Variants in SPDYE10 observed in about 807,000 individuals in gnomAD.
SPDYE10 encodes speedy protein E10.
At chr7:73,120,891 G>A in the SPDYE10 span, among the ~76,000 whole-genome samples, 1 of 149,680 alleles carries the variant, frequency 6.7e-6, no homozygotes. Flanking sequence ...GAGTGCAGTG[G>A]CCCACTGCAA....
chr7:73,148,987 T>TG, the SPDYE10 span, among the ~76,000 whole-genome samples: 1 of 144,480 alleles, frequency 6.9e-6, no homozygotes, highest in East Asian at 2.0e-4. Flanking sequence ...AACTTTTTTT[T>TG]TTTTTTTGTC....
chr7:73,132,460 T>A, the SPDYE10 span, among the ~76,000 whole-genome samples: 1 of 152,128 alleles, frequency 6.6e-6, no homozygotes, highest in Non-Finnish European at 1.5e-5. Flanking sequence ...GGCAGCAGGA[T>A]CCCTTGAATC....
the SPDYE10 span, among the ~76,000 whole-genome samples, chr7:73,150,993 T>A: frequency 9.3e-5 from 1 of 10,740 alleles, no homozygotes; most frequent in African/African-American, 3.7e-4. Flanking sequence ...TACCTTTATA[T>A]CAAGTTCTAG....
the SPDYE10 span, among the ~76,000 whole-genome samples, chr7:73,139,674 T>G: frequency 6.6e-6 from 1 of 150,528 alleles, no homozygotes; most frequent in African/African-American, 2.5e-5. Context: ...TTTTTTCTTT[T>G]GAGGTGGAGT....
the SPDYE10 span, among the ~76,000 whole-genome samples, chr7:73,126,720 CAGGCTGG>C: frequency 6.8e-6 from 1 of 146,682 alleles, no homozygotes; most frequent in Non-Finnish European, 1.5e-5. Context: ...CTCTGTCACC[CAGGCTGG>C]AGTGCAGTGG....
the SPDYE10 span, among the ~76,000 whole-genome samples, chr7:73,139,649 G>T: frequency 6.6e-6 from 1 of 150,836 alleles, no homozygotes; most frequent in African/African-American, 2.5e-5. Context: ...TTGTTTGTTT[G>T]TTTTTTGTGT....
At chr7:73,141,235 T>C in the SPDYE10 span, among the ~76,000 whole-genome samples, 5 of 152,376 alleles carry the variant, frequency 3.3e-5, no homozygotes, top group East Asian at 7.7e-4. Context: ...AAACATCAAG[T>C]AAACTGGCCA....
At chr7:73,135,046 G>A in the SPDYE10 span, among the ~76,000 whole-genome samples, 2 of 152,300 alleles carry the variant, frequency 1.3e-5, no homozygotes, top group African/African-American at 4.8e-5. Context: ...GCCTGGAGCT[G>A]TCATCCTCAC....
At chr7:73,142,836 G>A in the SPDYE10 span, among the ~76,000 whole-genome samples, 1 of 151,922 alleles carries the variant, frequency 6.6e-6, no homozygotes, top group African/African-American at 2.4e-5. Flanking sequence ...GGGAGTCTAA[G>A]GCATGAAAAT....
chr7:73,143,042 G>A, the SPDYE10 span, among the ~76,000 whole-genome samples: 1 of 148,018 alleles, frequency 6.8e-6, no homozygotes, highest in Admixed American at 6.8e-5. Flanking sequence ...AAAGAAGGAA[G>A]GAAGAAAATG....
At chr7:73,111,253 TCTCC>T in the SPDYE10 span, 1 of 1,202,254 alleles carries the variant, frequency 8.3e-7, no homozygotes, top group Non-Finnish European at 1.1e-6. Context: ...ACTGCTGGCT[TCTCC>T]AAGCCACCTT....
chr7:73,142,986 GGAAGGAAGGAAGGAAGGA>G, the SPDYE10 span, among the ~76,000 whole-genome samples: 2 of 114,760 alleles, frequency 1.7e-5, no homozygotes, highest in Non-Finnish European at 3.6e-5. Context: ...GAGGGAGGAA[GGAAGGAAGGAAGGAAGGA>G]AGGAAGGAAG....
the SPDYE10 span, among the ~76,000 whole-genome samples, chr7:73,149,498 A>C: frequency 6.9e-6 from 1 of 145,530 alleles, no homozygotes; most frequent in African/African-American, 2.6e-5. Flanking sequence ...CATGTTAGCC[A>C]GGATGGTCTC....
At chr7:73,132,546 CAAAA>C in the SPDYE10 span, among the ~76,000 whole-genome samples, 30 of 59,462 alleles carry the variant, frequency 5.0e-4, no homozygotes, top group African/African-American at 1.2e-3. Flanking sequence ...GACCCTGTCT[CAAAA>C]AAAAAAAAAA....
the SPDYE10 span, among the ~76,000 whole-genome samples, chr7:73,145,186 T>C: frequency 8.4e-5 from 12 of 142,320 alleles, no homozygotes; most frequent in African/African-American, 3.4e-4. Flanking sequence ...CTCTTTCATC[T>C]TTTCTTTCTT....
the SPDYE10 span, among the ~76,000 whole-genome samples, chr7:73,113,760 G>A: frequency 6.6e-6 from 1 of 152,038 alleles, no homozygotes; most frequent in South Asian, 2.1e-4. Flanking sequence ...ACGGGGCCAG[G>A]TGCCATGGCT....
At chr7:73,113,631 C>T in the SPDYE10 span, among the ~76,000 whole-genome samples, 28 of 151,522 alleles carry the variant, frequency 1.8e-4, no homozygotes, top group South Asian at 2.1e-3. Context: ...CAGTGGCTCA[C>T]GCCTGTAATC....
chr7:73,149,531 C>T, the SPDYE10 span, among the ~76,000 whole-genome samples: 4 of 151,682 alleles, frequency 2.6e-5, no homozygotes, highest in Non-Finnish European at 5.9e-5. Context: ...TTGTGATTCA[C>T]CTGCCTTGGC....
At chr7:73,151,971 G>A in the SPDYE10 span, among the ~76,000 whole-genome samples, 1 of 149,716 alleles carries the variant, frequency 6.7e-6, no homozygotes, top group Non-Finnish European at 1.5e-5. Flanking sequence ...CTTTAGCCTT[G>A]TTTTGTTTCA....
Sources: gnomAD v4.1 joint callset for allele counts (sites outside exome capture counted in the v4.1 genomes callset) on GRCh38, gnomAD v4.1.1 for gene constraint, MANE v1.5 for transcripts, NCBI Gene and HGNC (gene_info 2026-07-23, HGNC 2026-07-21) for gene names.